Variants in PDE3A observed in about 807,000 individuals in gnomAD.
PDE3A encodes phosphodiesterase 3A.
A neutral mutation model predicts 98.3 loss-of-function variants in PDE3A; 43 were observed. The ratio of observed to expected loss-of-function variants is 0.44; its 90% CI spans 0.34 to 0.56. PDE3A has a LOEUF of 0.56. Ranked by LOEUF, PDE3A falls within the 20% of genes least tolerant of loss-of-function variation. The pLI, the probability that PDE3A is intolerant of heterozygous loss-of-function variation, is 0.01. For missense variants in PDE3A, 1,427 were observed against 1,440.7 expected (o/e 0.99, Z 0.15); for synonymous variants, 663 against 567.9 (o/e 1.17, Z -2.38).
intron 1 of PDE3A, among the ~76,000 whole-genome samples, chr12:20,444,401 A>G (rs1944920085): frequency 6.6e-6 from 1 of 152,096 alleles, no homozygotes; most frequent in African/African-American, 2.4e-5. Context: ...AAACCCATAA[A>G]CCCATTCAAA....
At chr12:20,661,753 T>C (rs369747772) in intron 15 of PDE3A, among the ~76,000 whole-genome samples, 3 of 152,186 alleles carry the variant, frequency 2.0e-5, no homozygotes, top group East Asian at 3.9e-4. Context: ...TCAGAGGGTG[T>C]ACGGAAATGC....
At chr12:20,661,729 C>A (rs1281108979) in intron 15 of PDE3A, among the ~76,000 whole-genome samples, 1 of 152,212 alleles carries the variant, frequency 6.6e-6, no homozygotes, top group Non-Finnish European at 1.5e-5. Context: ...GGTTTGGGAA[C>A]CTCTGCCTAT....
At chr12:20,499,062 T>C (rs1018641084) in intron 1 of PDE3A, among the ~76,000 whole-genome samples, 1 of 152,200 alleles carries the variant, frequency 6.6e-6, no homozygotes, top group Non-Finnish European at 1.5e-5. Flanking sequence ...TAAAAAATTA[T>C]ATCCTGTGGA....
chr12:20,667,624 T>C (rs1433221317), intron 15 of PDE3A, among the ~76,000 whole-genome samples: 2 of 152,224 alleles, frequency 1.3e-5, no homozygotes, highest in Non-Finnish European at 2.9e-5. Flanking sequence ...TTTATTGGTC[T>C]ATATGTCCAT....
chr12:20,404,399 A>G (rs1248710530), intron 1 of PDE3A, among the ~76,000 whole-genome samples: 3 of 152,172 alleles, frequency 2.0e-5, no homozygotes, highest in Non-Finnish European at 4.4e-5. Flanking sequence ...TCACTTATGT[A>G]GAAAGCCATA....
intron 15 of PDE3A, among the ~76,000 whole-genome samples, chr12:20,662,490 T>A (rs1225996444): frequency 6.6e-6 from 1 of 152,214 alleles, no homozygotes; most frequent in Admixed American, 6.5e-5. Context: ...GTTTAATGAC[T>A]GCCCTATTGA....
intron 1 of PDE3A, among the ~76,000 whole-genome samples, chr12:20,545,745 C>T (rs547682273): frequency 6.8e-6 from 1 of 146,536 alleles, no homozygotes; most frequent in Non-Finnish European, 1.5e-5. Context: ...CTTGCCCTAC[C>T]CCAAGAGTAA....
intron 2 of PDE3A, among the ~76,000 whole-genome samples, chr12:20,567,114 G>T (rs1202444920): frequency 2.0e-5 from 3 of 151,870 alleles, no homozygotes; most frequent in Non-Finnish European, 2.9e-5. Context: ...TAGTGAATTT[G>T]CAGCAGCCAG....
intron 1 of PDE3A, among the ~76,000 whole-genome samples, chr12:20,486,808 A>G (rs1237105554): frequency 6.6e-6 from 1 of 152,020 alleles, no homozygotes; most frequent in African/African-American, 2.4e-5. Context: ...TAGTTTTTGT[A>G]TTTTTAGTAG....
chr12:20,394,479 G>A (rs972648623), intron 1 of PDE3A, among the ~76,000 whole-genome samples: 1 of 151,990 alleles, frequency 6.6e-6, no homozygotes, highest in Non-Finnish European at 1.5e-5. Flanking sequence ...AAGTTTTGCT[G>A]TAGTTAACAT....
At chr12:20,676,058 T>TTCTCTC in intron 15 of PDE3A, among the ~76,000 whole-genome samples, 1 of 150,410 alleles carries the variant, frequency 6.6e-6, no homozygotes, top group Admixed American at 6.6e-5. Flanking sequence ...TTTTGTTCCT[T>TTCTCTC]TCTCTCTCTC....
intron 1 of PDE3A, among the ~76,000 whole-genome samples, chr12:20,509,901 C>A (rs991508501): frequency 6.6e-6 from 1 of 151,990 alleles, no homozygotes; most frequent in Non-Finnish European, 1.5e-5. Context: ...GAAAAAGTAG[C>A]TTATTTATTA....
chr12:20,684,603 A>G lies in PDE3A; in HGVS notation c.*4332A>G, dbSNP rs1039149956. 6.6e-6 allele frequency among the ~76,000 whole-genome samples: 1 copy of G among 152,156 alleles called. No homozygotes were observed. The highest frequency in any genetic ancestry group is 2.4e-5 in the African/African-American group (1 of 41,440). ...ACAAGCAGCAACACATTTTATGACCATTGTCCTAGGTCGTTTGTGTCTTTA... is the reference window on the plus strand; with the variant it reads ...ACAAGCAGCAACACATTTTATGACCGTTGTCCTAGGTCGTTTGTGTCTTTA... On this transcript the variant is annotated 3_prime_UTR_variant, in exon 16 of 16. Coordinates refer to ENST00000359062, the MANE Select transcript of PDE3A (RefSeq NM_000921.5).
At chr12:20,613,149 C>T (rs1329266073) in intron 2 of PDE3A, among the ~76,000 whole-genome samples, 1 of 151,888 alleles carries the variant, frequency 6.6e-6, no homozygotes, top group Non-Finnish European at 1.5e-5. Flanking sequence ...GTTTTTCTTC[C>T]CCAGATCTCT....
At chr12:20,638,295 C>T (rs1944565778) in intron 9 of PDE3A, among the ~76,000 whole-genome samples, 1 of 152,100 alleles carries the variant, frequency 6.6e-6, no homozygotes, top group African/African-American at 2.4e-5. Context: ...GTGTTTGATT[C>T]TACAAGCACA....
At chr12:20,405,749 A>G (rs999639724) in intron 1 of PDE3A, among the ~76,000 whole-genome samples, 10 of 152,294 alleles carry the variant, frequency 6.6e-5, no homozygotes, top group African/African-American at 2.2e-4. Context: ...TGGCGACCAT[A>G]CTTAAAGTCT....
chr12:20,611,363 T>C (rs1943848562), intron 2 of PDE3A, among the ~76,000 whole-genome samples: 1 of 151,914 alleles, frequency 6.6e-6, no homozygotes, highest in Admixed American at 6.6e-5. Flanking sequence ...TAGTATTAAA[T>C]TATGCATTAA....
chr12:20,543,717 A>G lies in PDE3A; in HGVS notation c.961-12943A>G, dbSNP rs186832078. ...CTAGTTTAATAGAAAGTCATAATAT[A>G]TATCATGTGAATTTTACGTTTCTCA... is the stretch of plus-strand genomic sequence containing the variant. On this transcript the variant is annotated intron_variant, in intron 1 of 15. Transcript: ENST00000359062. Among the ~76,000 whole-genome samples, 49 of 152,158 alleles carry G rather than the reference A, an allele frequency of 3.2e-4. No homozygotes were observed. The Middle Eastern group carries it at 0.01, about 32-fold the overall frequency.
chr12:20,572,152 G>T, intron 2 of PDE3A: 1 of 1,274,266 alleles, frequency 7.8e-7, no homozygotes, highest in Non-Finnish European at 1.0e-6. Flanking sequence ...TCCAAATCGT[G>T]GAGCTTCTAC....
Sources: gnomAD v4.1 joint callset for allele counts (sites outside exome capture counted in the v4.1 genomes callset) on GRCh38, gnomAD v4.1.1 for gene constraint, MANE v1.5 for transcripts, NCBI Gene and HGNC (gene_info 2026-07-23, HGNC 2026-07-21) for gene names.